IPP: variants seen among roughly 807,000 people sequenced by gnomAD.
IPP encodes the protein intracisternal A particle-promoted polypeptide.
In IPP, 41 loss-of-function variants were observed where a neutral mutation model predicts 64.1. The ratio of observed to expected loss-of-function variants is 0.64; its 90% CI spans 0.50 to 0.83. The LOEUF (loss-of-function observed/expected upper bound fraction) is 0.83, where lower values mean the gene tolerates loss of function less well. IPP is among the 40% of genes least tolerant of loss of function. The probability of loss-of-function intolerance (pLI) is 0.00; values close to 1 mark genes in which losing one functional copy is unlikely to be tolerated. For synonymous variants in IPP, 214 were observed against 235.2 expected, an observed-to-expected ratio of 0.91 and a Z score of 0.83; for missense variants, 649 against 703.0, an observed-to-expected ratio of 0.92 and a Z score of 0.87.
Position 45,714,437 on chromosome 1 carries a change from T to C in IPP, c.1339A>G (p.Asn447Asp). 1 of 1,613,358 alleles carries C rather than the reference T, an allele frequency of 6.2e-7. No individual in the cohort carries two copies. The highest frequency in any genetic ancestry group is 8.5e-7 in the Non-Finnish European group (1 of 1,179,254). Residue 447 changes from asparagine (N) to aspartate (D), a missense_variant, in exon 8 of 9, where the codon AAT becomes GAT. Asn to Asp is a conservative substitution (Grantham distance 23, BLOSUM62 1). Transcript: ENST00000396478. ...GLIYVIGGIS[N>D]EGIELRSFEV... ...AAAGAACGAAGTTCTATTCCTTCAT[T>C]GCTGATGCCCCCAATTACATAAATT...
chr1:45,733,698 G>A (rs1024341819), intron 3 of IPP, among the ~76,000 whole-genome samples: 2 of 151,778 alleles, frequency 1.3e-5, no homozygotes, highest in African/African-American at 2.4e-5. Context: ...CGGGTGTGGC[G>A]GTGGGCATCT....
chr1:45,716,510 G>T (rs1645661751), intron 7 of IPP, among the ~76,000 whole-genome samples: 1 of 152,198 alleles, frequency 6.6e-6, no homozygotes, highest in Non-Finnish European at 1.5e-5. Flanking sequence ...CTCCCAAAGT[G>T]CTGGGATTAC....
chr1:45,732,349 G>A (rs1192225349), intron 3 of IPP, among the ~76,000 whole-genome samples: 10 of 96,118 alleles, frequency 1.0e-4, no homozygotes, highest in African/African-American at 3.6e-4. Flanking sequence ...GCAAAAGAGC[G>A]AGACTCCACC....
chr1:45,740,253 T>C (rs1445048257), intron 3 of IPP, among the ~76,000 whole-genome samples: 1 of 152,192 alleles, frequency 6.6e-6, no homozygotes, highest in East Asian at 1.9e-4. Context: ...CCATCCGATT[T>C]CTCAATCTTT....
At chr1:45,742,659 G>C (rs115944435) in intron 2 of IPP, among the ~76,000 whole-genome samples, 1 of 151,670 alleles carries the variant, frequency 6.6e-6, no homozygotes, top group Non-Finnish European at 1.5e-5. Context: ...TCAACCTCCC[G>C]AGTAGCTGGT....
intron 1 of IPP, among the ~76,000 whole-genome samples, chr1:45,747,863 A>AC (rs1215356221): frequency 2.5e-4 from 37 of 146,376 alleles, no homozygotes; most frequent in Non-Finnish European, 4.7e-4. Flanking sequence ...AAAAAAAAAA[A>AC]AAAACCATGA....
rs368580863 is a variant in IPP, at chr1:45,742,676, G to A, written c.293-1344C>T. Reference sequence around the variant, plus strand: ...AACCTCCCGAGTAGCTGGTACTACAGACACTCACCACCATGATCGGCTAAT... The same window carrying A: ...AACCTCCCGAGTAGCTGGTACTACAAACACTCACCACCATGATCGGCTAAT... On this transcript the variant is annotated intron_variant, in intron 2 of 8. Coordinates refer to ENST00000396478, the MANE Select transcript of IPP (RefSeq NM_005897.3). 5.3e-5 allele frequency among the ~76,000 whole-genome samples: 8 copies of A among 151,922 alleles called. No homozygotes were observed. In the East Asian group the frequency reaches 1.5e-3, roughly 29 times the overall value.
At chr1:45,738,515 A>C (rs1646009672) in intron 3 of IPP, among the ~76,000 whole-genome samples, 1 of 152,064 alleles carries the variant, frequency 6.6e-6, no homozygotes, top group Non-Finnish European at 1.5e-5. Context: ...TAATGAATCA[A>C]TAATATATAT....
chr1:45,745,773 G>C (rs1646125486), intron 2 of IPP, among the ~76,000 whole-genome samples: 1 of 151,996 alleles, frequency 6.6e-6, no homozygotes, highest in Non-Finnish European at 1.5e-5. Flanking sequence ...GCTGAGGCAG[G>C]AGAATCGCTT....
In IPP at chr1:45,729,775, A is replaced by T; in HGVS notation, c.725-6T>A. 1 of 1,505,814 alleles carries T rather than the reference A, an allele frequency of 6.6e-7. No individual in the cohort carries two copies. The highest frequency in any genetic ancestry group is 2.2e-5 in the Admixed American group (1 of 44,544). 93.3% of individuals were successfully genotyped at this position (1,505,814 alleles called of 1,614,324 possible). Reference sequence around the variant, plus strand: ...AAGATTAAAATCGGATACTCCTAAAACAATATTTAAAAAGACAATGTTTTA... The same window carrying T: ...AAGATTAAAATCGGATACTCCTAAATCAATATTTAAAAAGACAATGTTTTA... On this transcript the variant is annotated splice_region_variant and splice_polypyrimidine_tract_variant and intron_variant, in intron 3 of 8. Transcript: ENST00000396478.
At chr1:45,750,314 G>A (rs917500686) in intron 1 of IPP, among the ~76,000 whole-genome samples, 7 of 152,162 alleles carry the variant, frequency 4.6e-5, no homozygotes, top group Non-Finnish European at 8.8e-5. Context: ...GGTCAGGGAA[G>A]GGATCTCAGA....
chr1:45,742,931 AT>A (rs1346351508), intron 2 of IPP, among the ~76,000 whole-genome samples: 2 of 135,774 alleles, frequency 1.5e-5, no homozygotes, highest in Non-Finnish European at 3.0e-5. Context: ...TCTTTTTTTT[AT>A]TTTTTTATTT....
At chr1:45,728,300 CA>C (rs967611253) in intron 4 of IPP, among the ~76,000 whole-genome samples, 1 of 150,584 alleles carries the variant, frequency 6.6e-6, no homozygotes, top group Non-Finnish European at 1.5e-5. Context: ...ATCCAATCGG[CA>C]AAAAAATTTT....
At chr1:45,745,976 G>T in intron 2 of IPP, 144 bp downstream of exon 2, 1 of 617,608 alleles carries the variant, frequency 1.6e-6, no homozygotes, top group Non-Finnish European at 2.7e-6. Context: ...AAGGAGCACC[G>T]GGTCATAAGA....
At chr1:45,713,478 T>G (rs1645617836) in intron 8 of IPP, among the ~76,000 whole-genome samples, 2 of 151,992 alleles carry the variant, frequency 1.3e-5, no homozygotes, top group African/African-American at 4.8e-5. Flanking sequence ...GAGAATTGCT[T>G]GAACCCAGGA....
At chr1:45,728,117 A>G (rs1261470062) in intron 4 of IPP, among the ~76,000 whole-genome samples, 2 of 145,100 alleles carry the variant, frequency 1.4e-5, no homozygotes, top group Non-Finnish European at 3.0e-5. Flanking sequence ...AAAAATAGTG[A>G]GTTGAAAGCT....
At chr1:45,747,592 C>A (rs1646155522) in intron 1 of IPP, among the ~76,000 whole-genome samples, 1 of 152,044 alleles carries the variant, frequency 6.6e-6, no homozygotes, top group Non-Finnish European at 1.5e-5. Context: ...CGTTGGGATG[C>A]TGAGGCGTGA....
chr1:45,713,434 C>T (rs1314659102), intron 8 of IPP, among the ~76,000 whole-genome samples: 1 of 152,046 alleles, frequency 6.6e-6, no homozygotes, highest in African/African-American at 2.4e-5. Context: ...GTGGCGCATG[C>T]CTGAAATCCC....
At chr1:45,722,428 G>A in intron 5 of IPP, among the ~76,000 whole-genome samples, 1 of 151,870 alleles carries the variant, frequency 6.6e-6, no homozygotes, top group East Asian at 1.9e-4. Flanking sequence ...GTGCATGCCT[G>A]TAATCCCAGC....
Sources: allele counts gnomAD v4.1 joint callset (sites outside exome capture counted in the v4.1 genomes callset), GRCh38; gene constraint gnomAD v4.1.1; transcripts MANE v1.5; gene names NCBI Gene and HGNC (gene_info 2026-07-23, HGNC 2026-07-21).